SAMMSON: variants seen among roughly 807,000 people sequenced by gnomAD.
SAMMSON encodes the protein survival associated mitochondrial melanoma specific oncogenic non-coding RNA.
chr3:70,199,284 A>G (rs1247822152), intron 4 of SAMMSON, among the ~76,000 whole-genome samples: 1 of 152,004 alleles, frequency 6.6e-6, no homozygotes, highest in East Asian at 1.9e-4. Flanking sequence ...AGAGTGTACA[A>G]CCTTTTGGTT....
chr3:70,091,935 T>A (rs1364591072), intron 4 of SAMMSON, among the ~76,000 whole-genome samples: 1 of 152,220 alleles, frequency 6.6e-6, no homozygotes, highest in Non-Finnish European at 1.5e-5. Context: ...CTGCCTTCTT[T>A]CAGTTCATAC....
chr3:70,221,989 C>T (rs1251257273), intron 4 of SAMMSON, among the ~76,000 whole-genome samples: 1 of 152,102 alleles, frequency 6.6e-6, no homozygotes, highest in East Asian at 1.9e-4. Flanking sequence ...ATTAGGTTGT[C>T]ATAGAAAAAT....
intron 6 of SAMMSON, among the ~76,000 whole-genome samples, chr3:70,284,988 TA>T (rs1306512166): frequency 6.6e-6 from 1 of 152,158 alleles, no homozygotes; most frequent in East Asian, 1.9e-4. Flanking sequence ...GGGTTAAACT[TA>T]AATCACTGCA....
chr3:70,080,280 C>T (rs1483242227), intron 4 of SAMMSON, among the ~76,000 whole-genome samples: 1 of 152,176 alleles, frequency 6.6e-6, no homozygotes, highest in Non-Finnish European at 1.5e-5. Context: ...CCTCTTCTTA[C>T]CCTAGTCTGG....
At chr3:70,065,827 A>G (rs1374414392) in intron 3 of SAMMSON, among the ~76,000 whole-genome samples, 5 of 152,094 alleles carry the variant, frequency 3.3e-5, no homozygotes, top group African/African-American at 1.2e-4. Flanking sequence ...CCTGCCCCAG[A>G]ACTGCCCACT....
intron 7 of SAMMSON, among the ~76,000 whole-genome samples, chr3:70,322,027 C>G (rs1224438753): frequency 6.6e-6 from 1 of 151,846 alleles, no homozygotes; most frequent in African/African-American, 2.4e-5. Flanking sequence ...TCACTAAAAA[C>G]CTAGGAGTTT....
intron 9 of SAMMSON, among the ~76,000 whole-genome samples, chr3:70,387,340 G>T (rs1050858598): frequency 9.2e-5 from 14 of 152,128 alleles, no homozygotes; most frequent in African/African-American, 2.4e-4. Flanking sequence ...CTTTATAAAA[G>T]AACTCTTCTG....
At chr3:70,102,656 C>T (rs1416128181) in intron 4 of SAMMSON, among the ~76,000 whole-genome samples, 3 of 152,118 alleles carry the variant, frequency 2.0e-5, no homozygotes. Flanking sequence ...TGATCTTGTA[C>T]GAACAGCTCC....
At chr3:70,148,527 T>G (rs1228180777) in intron 4 of SAMMSON, among the ~76,000 whole-genome samples, 1 of 152,096 alleles carries the variant, frequency 6.6e-6, no homozygotes, top group African/African-American at 2.4e-5. Flanking sequence ...GGCTCACCAT[T>G]CTGCAGACTG....
chr3:70,180,610 A>G (rs4564939), intron 4 of SAMMSON, among the ~76,000 whole-genome samples: 85,889 of 151,978 alleles, frequency 0.57, 25,202 homozygotes, highest in Non-Finnish European at 0.62. Flanking sequence ...TTACTGCCCA[A>G]TCAAGCAAAT....
At position 70,382,533 on chromosome 3, in the gene SAMMSON, C is replaced by A. The variant is rs1703079115; in HGVS notation, n.914-7041C>A. On this transcript the variant is annotated intron_variant and non_coding_transcript_variant, in intron 9 of 9. Transcript: ENST00000642114. ...AATAAACGTATGAATGAATGAAAAC[C>A]AGAATAATTTGTCCCAATGAACCAG... 2.0e-5 allele frequency among the ~76,000 whole-genome samples: 3 copies of A among 151,812 alleles called. No homozygotes were observed. The Admixed American group carries it at 2.0e-4, about 10-fold the overall frequency.
chr3:70,047,923 C>T (rs1192776744), intron 3 of SAMMSON, among the ~76,000 whole-genome samples: 2 of 151,942 alleles, frequency 1.3e-5, no homozygotes, highest in African/African-American at 4.8e-5. Context: ...GGAGTGGAGC[C>T]CTCATGACCT....
intron 4 of SAMMSON, among the ~76,000 whole-genome samples, chr3:70,156,551 A>C (rs1400630850): frequency 6.6e-6 from 1 of 152,072 alleles, no homozygotes; most frequent in Non-Finnish European, 1.5e-5. Flanking sequence ...TGAAGATCTT[A>C]TCAAAAGTGA....
rs181544316 is a variant in SAMMSON at position 70,290,933 on chromosome 3, G to A, written n.675-246G>A. The stretch of plus-strand genomic sequence containing the variant: ...CTGCTTCGGATGGCGCACGGTGCGC[G>A]CACCCACTGACCTGAGCCCACTGTC... On this transcript the variant is annotated intron_variant and non_coding_transcript_variant, in intron 6 of 9. Transcript: ENST00000642114. 2.6e-5 allele frequency among the ~76,000 whole-genome samples: 4 copies of A among 152,186 alleles called. 1 individual carries two copies. In the South Asian group the frequency reaches 6.2e-4, roughly 24 times the overall value.
intron 7 of SAMMSON, among the ~76,000 whole-genome samples, chr3:70,343,863 A>G (rs1702730091): frequency 6.6e-6 from 1 of 150,816 alleles, no homozygotes; most frequent in Non-Finnish European, 1.5e-5. Context: ...TTATTCATAT[A>G]AAACCATAGA....
chr3:70,349,672 A>T (rs1702777085), intron 7 of SAMMSON, among the ~76,000 whole-genome samples: 1 of 152,166 alleles, frequency 6.6e-6, no homozygotes, highest in Non-Finnish European at 1.5e-5. Context: ...TCGGGTTGGG[A>T]AAAGAGGTCA....
chr3:70,405,159 A>G (rs138969717), intron 2 of SAMMSON, among the ~76,000 whole-genome samples: 2 of 152,200 alleles, frequency 1.3e-5, no homozygotes, highest in Non-Finnish European at 2.9e-5. Flanking sequence ...TTTGGTAGAT[A>G]CCAAATAAGG....
intron 7 of SAMMSON, among the ~76,000 whole-genome samples, chr3:70,333,368 T>A (rs1702639208): frequency 6.6e-6 from 1 of 151,778 alleles, no homozygotes; most frequent in Non-Finnish European, 1.5e-5. Context: ...ATAAGTAAAT[T>A]AAAATAATAA....
rs1278455638 is a variant in SAMMSON at position 70,102,581 on chromosome 3, G to A, written n.507+31016G>A. 7.2e-5 allele frequency among the ~76,000 whole-genome samples: 11 copies of A among 152,276 alleles called. 2 individuals carry two copies. In the South Asian group the frequency reaches 1.7e-3, roughly 23 times the overall value. ...CATTCCTCTTTCACCAATGAGCTGG[G>A]TGGCAGGGGTGATATCATGTCTATT... On this transcript the variant is annotated intron_variant and non_coding_transcript_variant, in intron 4 of 9. Transcript: ENST00000642114.
Sources: gnomAD v4.1 joint callset for allele counts (sites outside exome capture counted in the v4.1 genomes callset) on GRCh38, gnomAD v4.1.1 for gene constraint, MANE v1.5 for transcripts, NCBI Gene and HGNC (gene_info 2026-07-23, HGNC 2026-07-21) for gene names.